The following KCNAB2 variants were observed in gnomAD, a reference collection of about 807,000 sequenced individuals.
The protein encoded by KCNAB2 is voltage-gated potassium channel subunit beta-2.
Under a neutral mutation model 63.6 loss-of-function variants are expected in KCNAB2, and 29 were observed. That is an observed-to-expected ratio of 0.46 (90% confidence interval 0.34 to 0.62). KCNAB2 has a LOEUF of 0.62. Among genes scored for constraint, KCNAB2 ranks in the 20% least tolerant of loss-of-function variants. The pLI is 0.01. For synonymous variants in KCNAB2, 222 were observed against 224.2 expected, an observed-to-expected ratio of 0.99 and a Z score of 0.09; for missense variants, 359 against 563.9, an observed-to-expected ratio of 0.64 and a Z score of 3.68.
chr1:6,030,675 T>C (rs1046307893), upstream of KCNAB2, among the ~76,000 whole-genome samples: 5 of 151,108 alleles, frequency 3.3e-5, no homozygotes, highest in Non-Finnish European at 7.4e-5. Context: ...GGGGTGTGTG[T>C]ATGTGTGTTT....
Position 6,099,723 on chromosome 1 carries a change from C to T in KCNAB2, c.*1149C>T. The T allele has an allele frequency of 6.9e-7, 1 of 1,439,286 alleles. No homozygotes were observed. The highest frequency in any genetic ancestry group is 1.5e-5 in the South Asian group (1 of 67,268). The allele number at this position is 1,439,286 out of a possible 1,614,324, so 89.2% of individuals were successfully genotyped here. ...TGACTTGGGGGCTGCACCCCCACAG[C>T]ACCCCCACAATGTAGGAAAAGACCT... On this transcript the variant is annotated 3_prime_UTR_variant, in exon 16 of 16. Transcript: ENST00000378083.
upstream of KCNAB2, among the ~76,000 whole-genome samples, chr1:6,031,154 C>G (rs1015603437): frequency 5.9e-5 from 9 of 152,192 alleles, no homozygotes; most frequent in Non-Finnish European, 1.5e-5. This position sits in a 1 kb window ranked among gnomAD's most constrained non-coding sequence, Gnocchi z 4.1. Context: ...TTTTGTGTCT[C>G]TGTCCTTGAC....
intron 8 of KCNAB2, 127 bp downstream of exon 8, chr1:6,089,178 G>C: frequency 9.6e-7 from 1 of 1,039,722 alleles, no homozygotes; most frequent in Non-Finnish European, 1.4e-6. Context: ...CGGGGCACCC[G>C]GTGCTCTGGC....
rs1405129299 is a variant in KCNAB2, at chr1:6,087,171, G to A, written c.426-296G>A. Among the ~76,000 whole-genome samples the A allele has an allele frequency of 6.6e-6, 1 of 151,994 alleles. No individual in the cohort carries two copies. The highest frequency in any genetic ancestry group is 1.5e-5 in the Non-Finnish European group (1 of 68,010). On this transcript the variant is annotated intron_variant, in intron 6 of 15. Transcript: ENST00000378083. The surrounding 1 kb of genome is among the most constrained non-coding windows in gnomAD (Gnocchi z 6.4). ...AGCCAGGCCCCCCTCCCACATCCTG[G>A]GCGGAAGGCATCTCCTCCGGACTCC...
At chr1:6,061,811 C>T (rs1482915311) in intron 2 of KCNAB2, among the ~76,000 whole-genome samples, 5 of 152,022 alleles carry the variant, frequency 3.3e-5, no homozygotes, top group African/African-American at 4.8e-5. Flanking sequence ...TTGTAGGTGA[C>T]GTTGTTAAAT....
chr1:6,096,830 G>T lies in KCNAB2; in HGVS notation c.1069+74G>T. 1 of 1,458,960 alleles carries T rather than the reference G, an allele frequency of 6.9e-7. No individual in the cohort carries two copies. The allele number at this position is 1,458,960 out of a possible 1,614,324, so 90.4% of individuals were successfully genotyped here. On this transcript the variant is annotated intron_variant, in intron 14 of 15. Coordinates refer to ENST00000378083, the MANE Select transcript of KCNAB2 (RefSeq NM_001199862.2). The surrounding 1 kb of genome is among the most constrained non-coding windows in gnomAD (Gnocchi z 5.9). Reference sequence around the variant, plus strand: ...CCAGCTGGCCGTAGGTAACAGGGTGGGGTTGCCATGGGGCCAGTGTCTCCG... The same window carrying T: ...CCAGCTGGCCGTAGGTAACAGGGTGTGGTTGCCATGGGGCCAGTGTCTCCG...
intron 1 of KCNAB2, among the ~76,000 whole-genome samples, chr1:6,014,597 G>A (rs1056871844): frequency 2.6e-5 from 4 of 152,190 alleles, no homozygotes; most frequent in African/African-American, 7.2e-5. Context: ...GCTCTCTGCC[G>A]GCAAGCAGCA....
At chr1:6,000,017 C>T (rs1657154611) in intron 1 of KCNAB2, among the ~76,000 whole-genome samples, 1 of 150,602 alleles carries the variant, frequency 6.6e-6, no homozygotes, top group Non-Finnish European at 1.5e-5. Context: ...TCTCTGCACC[C>T]TGTCTGCGCC....
chr1:6,020,117 G>A (rs1234771122), intron 1 of KCNAB2, among the ~76,000 whole-genome samples: 2 of 152,132 alleles, frequency 1.3e-5, no homozygotes, highest in Non-Finnish European at 2.9e-5. Flanking sequence ...GAGGCTTCAC[G>A]ACATGTAAAC....
chr1:6,057,260 G>T (rs988798646), intron 2 of KCNAB2, among the ~76,000 whole-genome samples: 2 of 151,882 alleles, frequency 1.3e-5, no homozygotes, highest in African/African-American at 4.8e-5. Flanking sequence ...GATTTCCTGT[G>T]CTTTCTGACT....
At chr1:6,039,656 G>C (rs753375131) in intron 1 of KCNAB2, among the ~76,000 whole-genome samples, 3 of 152,208 alleles carry the variant, frequency 2.0e-5, no homozygotes, top group African/African-American at 4.8e-5. Flanking sequence ...CTGAGCTGCA[G>C]TCGAGGTTCT....
At chr1:6,015,712 G>C (rs1269629293) in intron 1 of KCNAB2, among the ~76,000 whole-genome samples, 14 of 152,002 alleles carry the variant, frequency 9.2e-5, no homozygotes. Context: ...GTTGGTTTTT[G>C]GGGGTTTTTT....
Position 6,100,386 on chromosome 1 carries a change from T to G in KCNAB2, c.*1812T>G. On this transcript the variant is annotated 3_prime_UTR_variant, in exon 16 of 16. Transcript: ENST00000378083. ...TGTGAGTGTGGGGTGGGGAAGTCCC[T>G]TCCCAACGGAGGTCCCAGCCTATGG... The G allele has an allele frequency of 5.0e-6, 1 of 198,934 alleles. No homozygotes were observed. Among genetic ancestry groups the G allele is most frequent in the Non-Finnish European group, 1.0e-5 (1 of 98,768 alleles). 12.3% of individuals were successfully genotyped at this position (198,934 alleles called of 1,614,324 possible). A position where few individuals can be genotyped will look rare whatever the true frequency, so the allele number is the denominator to read the frequency against.
At position 6,095,317 on chromosome 1, in the gene KCNAB2, T is replaced by G; in HGVS notation, c.733-6T>G. ...GGGCCCTCGGGGTCCCTTTCTGCCT[T>G]CACAGGAGGCCTACTCCGTGGCCCG... is the stretch of plus-strand genomic sequence containing the variant. On this transcript the variant is annotated splice_polypyrimidine_tract_variant and splice_region_variant and intron_variant, in intron 11 of 15. Transcript: ENST00000378083. The G allele has an allele frequency of 6.2e-7, 1 of 1,611,606 alleles. No individual in the cohort carries two copies. Among genetic ancestry groups the G allele is most frequent in the Non-Finnish European group, 8.5e-7 (1 of 1,179,554 alleles).
At chr1:6,008,622 CAAAA>C (rs141192143) in intron 1 of KCNAB2, among the ~76,000 whole-genome samples, 1 of 137,880 alleles carries the variant, frequency 7.3e-6, no homozygotes, top group Non-Finnish European at 1.6e-5. Flanking sequence ...GAGACTGTCT[CAAAA>C]AAAAAAAAAA....
chr1:6,029,284 A>G (rs1659424775), upstream of KCNAB2, among the ~76,000 whole-genome samples: 1 of 150,358 alleles, frequency 6.7e-6, no homozygotes, highest in Non-Finnish European at 1.5e-5. Flanking sequence ...TCCATCTCAA[A>G]AAAAAAAAAA....
intron 1 of KCNAB2, among the ~76,000 whole-genome samples, chr1:6,005,637 T>C (rs1570832154): frequency 2.6e-5 from 4 of 151,882 alleles, no homozygotes. Flanking sequence ...CAGCACACCC[T>C]CCTGGCTCAG....
At chr1:6,095,727 G>C in intron 13 of KCNAB2, 103 bp downstream of exon 13, 2 of 1,092,874 alleles carry the variant, frequency 1.8e-6, no homozygotes, top group South Asian at 2.6e-5. Flanking sequence ...GGTTCCGGGA[G>C]CTGCAGCTGT....
intron 1 of KCNAB2, among the ~76,000 whole-genome samples, chr1:6,018,124 G>GTGTC (rs1658621577): frequency 6.6e-6 from 1 of 152,020 alleles, no homozygotes; most frequent in Non-Finnish European, 1.5e-5. Context: ...TGTAGAAAAG[G>GTGTC]TGTCTCACTG....
Sources: allele counts gnomAD v4.1 joint callset (sites outside exome capture counted in the v4.1 genomes callset), GRCh38; gene constraint gnomAD v4.1.1; non-coding constraint Gnocchi (gnomAD v3.1); transcripts MANE v1.5; gene names NCBI Gene and HGNC (gene_info 2026-07-23, HGNC 2026-07-21).